Variants in OR2A14 observed in about 807,000 individuals in gnomAD.
OR2A14 encodes olfactory receptor 2A14.
A neutral mutation model predicts 2.4 loss-of-function variants in OR2A14; 2 were observed. That is an observed-to-expected ratio of 0.85 (90% CI 0.35 to 2.67). OR2A14 has a LOEUF of 2.67. OR2A14 is among the 30% of genes most tolerant of loss of function. OR2A14 has a pLI of 0.10. For synonymous variants in OR2A14, 160 were observed against 156.3 expected (o/e 1.02, Z -0.18); for missense variants, 390 against 379.4 (o/e 1.03, Z -0.23).
rs192444025 is a variant in OR2A14 at position 144,129,155 on chromosome 7, C to T, written c.43C>T (p.Arg15Ter). 648 of 1,612,314 alleles carry T rather than the reference C, an allele frequency of 4.0e-4. 1 individual carries two copies. The highest frequency in any genetic ancestry group is 1.1e-3 in the Admixed American group (63 of 59,964). ...KTWITDITLP[R>*]FQVGPALEIL... Reference sequence around the variant, plus strand: ...ATGGATCACAGACATCACCTTGCCGCGATTCCAGGTTGGTCCAGCACTGGA... The same window carrying T: ...ATGGATCACAGACATCACCTTGCCGTGATTCCAGGTTGGTCCAGCACTGGA... The change falls in exon 2 of 2, where the codon CGA (arginine) becomes TGA (stop). Residue 15 changes from arginine (R) to a stop codon, truncating the protein, a stop_gained. Transcript: ENST00000641068. LOFTEE classifies it low-confidence loss of function (END_TRUNC).
chr7:144,129,746 C>T lies in OR2A14; in HGVS notation c.634C>T (p.Leu212=), dbSNP rs374205948. ...GTTCATCCTGGTGGGGCCACTCTGC[C>T]TGGTGCTGGTCTCCTACTTGCGCAT... ...CVFILVGPLC[L]VLVSYLRILA... The change falls in exon 2 of 2, where the codon CTG becomes TTG. Residue 212 remains leucine (L), a synonymous_variant. Transcript: ENST00000641068. 6.2e-7 allele frequency: 1 copy of T among 1,614,006 alleles called. No individual in the cohort carries two copies. The highest frequency in any genetic ancestry group is 1.7e-4 in the Middle Eastern group (1 of 5,914).
Position 144,130,051 on chromosome 7 carries a change from C to A in OR2A14, c.*6C>A. On this transcript the variant is annotated 3_prime_UTR_variant, in exon 2 of 2. Transcript: ENST00000641068. ...GGAAGGAGAGGCTGACGTGAGACATCTCAAAGGGAACCATGGGGAGGGAGC... is the reference window on the plus strand; with the variant it reads ...GGAAGGAGAGGCTGACGTGAGACATATCAAAGGGAACCATGGGGAGGGAGC... 6.2e-7 allele frequency: 1 copy of A among 1,603,060 alleles called. No homozygotes were observed.
intron 1 of OR2A14, among the ~76,000 whole-genome samples, chr7:144,126,075 G>A (rs2051480596): frequency 6.6e-6 from 1 of 152,096 alleles, no homozygotes; most frequent in Non-Finnish European, 1.5e-5. Context: ...GATTCATTGG[G>A]ACATTAACAC....
intron 1 of OR2A14, among the ~76,000 whole-genome samples, chr7:144,125,833 A>T (rs1003465669): frequency 6.6e-6 from 1 of 152,170 alleles, no homozygotes; most frequent in African/African-American, 2.4e-5. Context: ...ATAAACCCAG[A>T]TTTGCTTAAT....
At chr7:144,126,101 C>T (rs1230891381) in intron 1 of OR2A14, among the ~76,000 whole-genome samples, 1 of 152,078 alleles carries the variant, frequency 6.6e-6, no homozygotes, top group East Asian at 1.9e-4. Context: ...TTGCTGTGTC[C>T]AAAAATTGAC....
At chr7:144,128,111 T>C (rs1432236570) in intron 1 of OR2A14, among the ~76,000 whole-genome samples, 1 of 152,204 alleles carries the variant, frequency 6.6e-6, no homozygotes, top group Non-Finnish European at 1.5e-5. Context: ...TAGCTGGGAA[T>C]ATATTGATGA....
At chr7:144,127,188 G>A (rs1011011814) in intron 1 of OR2A14, among the ~76,000 whole-genome samples, 1 of 152,196 alleles carries the variant, frequency 6.6e-6, no homozygotes, top group African/African-American at 2.4e-5. Context: ...TTAGAACAGT[G>A]GCTGAAACAG....
intron 1 of OR2A14, among the ~76,000 whole-genome samples, chr7:144,124,402 C>T (rs2951342): frequency 0.38 from 55,908 of 146,478 alleles, 11,261 homozygotes; most frequent in East Asian, 0.74. Context: ...GCGGAGGTTG[C>T]GGTGAGCCGA....
chr7:144,129,724 C>T lies in OR2A14; in HGVS notation c.612C>T (p.Phe204=). The T allele has an allele frequency of 6.2e-7, 1 of 1,614,094 alleles. No homozygotes were observed. Among genetic ancestry groups the T allele is most frequent in the East Asian group, 2.2e-5 (1 of 44,884 alleles). ...NQVVIFAACV[F]ILVGPLCLVL... is the part of the protein sequence containing the mutation. ...TGGTCATCTTTGCAGCCTGCGTGTT[C>T]ATCCTGGTGGGGCCACTCTGCCTGG... Residue 204 remains phenylalanine (F), a synonymous_variant, in exon 2 of 2, where the codon TTC becomes TTT. Coordinates refer to ENST00000641068, the MANE Select transcript of OR2A14 (RefSeq NM_001001659.3).
intron 1 of OR2A14, among the ~76,000 whole-genome samples, chr7:144,127,752 A>G (rs1023409990): frequency 6.6e-6 from 1 of 152,206 alleles, no homozygotes; most frequent in African/African-American, 2.4e-5. Flanking sequence ...GTTTTTTTAA[A>G]AGTATCCTGT....
At chr7:144,125,017 G>A (rs946752548) in intron 1 of OR2A14, among the ~76,000 whole-genome samples, 2 of 151,996 alleles carry the variant, frequency 1.3e-5, no homozygotes, top group Admixed American at 6.6e-5. Context: ...TCAATTTTAC[G>A]ATCTCTTTAA....
rs375813650 is a variant in OR2A14 at position 144,129,884 on chromosome 7, T to C, written c.772T>C (p.Tyr258His). ...CTTCTTTGGCAGCGCCATTGTCACGTACATGGCCCCCAAGTCCCGCCATCC... is the reference window on the plus strand; with the variant it reads ...CTTCTTTGGCAGCGCCATTGTCACGCACATGGCCCCCAAGTCCCGCCATCC... Reference protein sequence around the residue: ...GLFFGSAIVTYMAPKSRHPEE... With the variant: ...GLFFGSAIVTHMAPKSRHPEE... The change falls in exon 2 of 2, where the codon TAC becomes CAC. Residue 258 changes from tyrosine (Y) to histidine (H), a missense_variant. Tyr to His is a moderately conservative substitution (Grantham distance 83). Coordinates refer to ENST00000641068, the MANE Select transcript of OR2A14 (RefSeq NM_001001659.3). 80 of 1,614,100 alleles carry C rather than the reference T, an allele frequency of 5.0e-5. No individual in the cohort carries two copies. The highest frequency in any genetic ancestry group is 5.8e-5 in the Non-Finnish European group (68 of 1,180,034).
Position 144,126,294 on chromosome 7 carries a change from A to T in OR2A14, c.-34-2785A>T, listed in dbSNP as rs193042954. Among the ~76,000 whole-genome samples, 4 of 152,338 alleles carry T rather than the reference A, an allele frequency of 2.6e-5. No individual in the cohort carries two copies. In the East Asian group the frequency reaches 5.8e-4, roughly 22 times the overall value. ...TATCAGCTAAACTGATGAATTTTTT[A>T]TGTCAATTTCAGATTGTTAAAAATA... On this transcript the variant is annotated intron_variant, in intron 1 of 1. Coordinates refer to ENST00000641068, the MANE Select transcript of OR2A14 (RefSeq NM_001001659.3).
At chr7:144,128,780 T>A (rs1465514263) in intron 1 of OR2A14, among the ~76,000 whole-genome samples, 1 of 152,220 alleles carries the variant, frequency 6.6e-6, no homozygotes, top group Non-Finnish European at 1.5e-5. Context: ...GCAAGGATAC[T>A]TGAGTTCTTC....
rs1023886212 is a variant in OR2A14, at chr7:144,127,988, C to T, written c.-34-1091C>T. ...CTCACCAGCTGGGGCTGCACCTGAT[C>T]CCATCCCCATCACATGCTCAGATTC... is the stretch of plus-strand genomic sequence containing the variant. On this transcript the variant is annotated intron_variant, in intron 1 of 1. Coordinates refer to ENST00000641068, the MANE Select transcript of OR2A14 (RefSeq NM_001001659.3). Among the ~76,000 whole-genome samples the T allele has an allele frequency of 2.6e-5, 4 of 152,254 alleles. No individual in the cohort carries two copies. In the East Asian group the frequency reaches 7.7e-4, roughly 29 times the overall value.
At chr7:144,124,749 CTTACTA>C (rs1289489692) in intron 1 of OR2A14, among the ~76,000 whole-genome samples, 1 of 152,104 alleles carries the variant, frequency 6.6e-6, no homozygotes, top group African/African-American at 2.4e-5. Context: ...GGATTGACCT[CTTACTA>C]TTACAGCCTG....
chr7:144,129,775 G>A lies in OR2A14; in HGVS notation c.663G>A (p.Leu221=). The change falls in exon 2 of 2, where the codon CTG becomes CTA. Residue 221 remains leucine, a synonymous_variant. Coordinates refer to ENST00000641068, the MANE Select transcript of OR2A14 (RefSeq NM_001001659.3). ...CLVLVSYLRI[L]AAILRIQSGE... ...TGCTGGTCTCCTACTTGCGCATCCT[G>A]GCCGCCATCTTGAGGATCCAGTCTG... The A allele has an allele frequency of 6.2e-7, 1 of 1,614,014 alleles. No homozygotes were observed. Among genetic ancestry groups the A allele is most frequent in the Non-Finnish European group, 8.5e-7 (1 of 1,180,026 alleles).
chr7:144,128,819 T>C (rs920216266), intron 1 of OR2A14, among the ~76,000 whole-genome samples: 7 of 152,354 alleles, frequency 4.6e-5, no homozygotes, highest in African/African-American at 1.7e-4. Context: ...GTGTATCCCC[T>C]TATGTAGGGT....
chr7:144,126,137 T>C (rs2051481124), intron 1 of OR2A14, among the ~76,000 whole-genome samples: 1 of 152,230 alleles, frequency 6.6e-6, no homozygotes, highest in Non-Finnish European at 1.5e-5. Flanking sequence ...ATTAAAATTA[T>C]ATTGTGCAGA....
Sources: gnomAD v4.1 joint callset for allele counts (sites outside exome capture counted in the v4.1 genomes callset) on GRCh38, gnomAD v4.1.1 for gene constraint, MANE v1.5 for transcripts, NCBI Gene and HGNC (gene_info 2026-07-23, HGNC 2026-07-21) for gene names.